Variants in DGLUCY observed in about 807,000 individuals in gnomAD.
DGLUCY encodes D-glutamate cyclase, also known as D-glutamate cyclase, mitochondrial.
Under a neutral mutation model 58.5 loss-of-function variants are expected in DGLUCY, and 58 were observed. The ratio of observed to expected loss-of-function variants is 0.99; its 90% confidence interval spans 0.80 to 1.23. The LOEUF is 1.23. Among genes scored for constraint, DGLUCY ranks in the 50% most tolerant of loss-of-function variants. The pLI, the probability that DGLUCY is intolerant of heterozygous loss-of-function variation, is 0.00. For synonymous variants in DGLUCY, 325 were observed against 314.1 expected (o/e 1.03, Z -0.37); for missense variants, 779 against 784.7 (o/e 0.99, Z 0.09).
intron 1 of DGLUCY, among the ~76,000 whole-genome samples, chr14:91,062,559 ATATATAT>A (rs1272493603): frequency 5.4e-5 from 1 of 18,600 alleles, no homozygotes; most frequent in Non-Finnish European, 9.6e-5. Flanking sequence ...AAAAAAAAAA[ATATATAT>A]ATATATATAT....
intron 1 of DGLUCY, among the ~76,000 whole-genome samples, chr14:91,142,045 C>A (rs774354744): frequency 2.6e-4 from 39 of 152,006 alleles, no homozygotes; most frequent in Admixed American, 6.6e-5. Context: ...GAGGTTTCAT[C>A]ATGTTGACCA....
At chr14:91,127,648 C>T (rs1360660378) in intron 1 of DGLUCY, among the ~76,000 whole-genome samples, 2 of 152,228 alleles carry the variant, frequency 1.3e-5, no homozygotes, top group Admixed American at 6.5e-5. Flanking sequence ...CTGCTTCTTC[C>T]GGTTTCTGTC....
intron 1 of DGLUCY, among the ~76,000 whole-genome samples, chr14:91,133,273 T>C (rs4904751): frequency 0.84 from 127,306 of 152,014 alleles, 53,720 homozygotes; most frequent in East Asian, 1. Flanking sequence ...CCAGCCTGGG[T>C]GACAACAGCA....
intron 9 of DGLUCY, among the ~76,000 whole-genome samples, chr14:91,191,288 G>A (rs575370998): frequency 1.3e-5 from 2 of 152,198 alleles, no homozygotes; most frequent in African/African-American, 4.8e-5. Flanking sequence ...GGTTGCCAGT[G>A]GCTGGGAGGA....
At chr14:91,106,459 C>T (rs193166995), upstream of DGLUCY, among the ~76,000 whole-genome samples, 29 of 152,180 alleles carry the variant, frequency 1.9e-4, no homozygotes, top group Admixed American at 5.9e-4. Context: ...ATAATCTCAG[C>T]CCTTTGGGAG....
chr14:91,143,483 G>A (rs79432070), intron 1 of DGLUCY, among the ~76,000 whole-genome samples: 1,697 of 152,306 alleles, frequency 0.011, 37 homozygotes, highest in African/African-American at 0.039. Flanking sequence ...AGCCTTAGGT[G>A]TAATCTAAAT....
intron 9 of DGLUCY, among the ~76,000 whole-genome samples, chr14:91,191,777 G>A (rs1406579248): frequency 6.6e-6 from 1 of 152,184 alleles, no homozygotes; most frequent in African/African-American, 2.4e-5. Flanking sequence ...GGGTGTGGGT[G>A]TGAGGAGAAG....
intron 1 of DGLUCY, among the ~76,000 whole-genome samples, chr14:91,064,844 G>A (rs2043795577): frequency 6.6e-6 from 1 of 152,144 alleles, no homozygotes; most frequent in East Asian, 1.9e-4. Context: ...AATATCCAGA[G>A]CAGTTTTGGC....
At chr14:91,150,520 C>T (rs2047266182) in intron 1 of DGLUCY, among the ~76,000 whole-genome samples, 1 of 152,098 alleles carries the variant, frequency 6.6e-6, no homozygotes, top group South Asian at 2.1e-4. Context: ...TGGCTCACAG[C>T]AGTCTTGACC....
intron 13 of DGLUCY, among the ~76,000 whole-genome samples, chr14:91,218,789 A>G (rs2140767938): frequency 6.6e-6 from 1 of 152,226 alleles, no homozygotes; most frequent in Non-Finnish European, 1.5e-5. Flanking sequence ...GCTCTAGGGG[A>G]CAATGAGGAG....
intron 1 of DGLUCY, among the ~76,000 whole-genome samples, chr14:91,149,997 T>C (rs2047224541): frequency 6.6e-6 from 1 of 151,752 alleles, no homozygotes; most frequent in East Asian, 1.9e-4. Flanking sequence ...GAGGCGGGCG[T>C]ATCACAAGGT....
At chr14:91,084,825 T>C (rs924025525) in intron 1 of DGLUCY, among the ~76,000 whole-genome samples, 1 of 152,190 alleles carries the variant, frequency 6.6e-6, no homozygotes, top group African/African-American at 2.4e-5. Context: ...CTGCCTGCAC[T>C]TCCGTTTTGT....
intron 1 of DGLUCY, among the ~76,000 whole-genome samples, chr14:91,098,851 C>T (rs574331235): frequency 6.6e-6 from 1 of 152,336 alleles, no homozygotes; most frequent in Non-Finnish European, 1.5e-5. Flanking sequence ...AAGGGACTTT[C>T]CTTGTAAGCG....
intron 1 of DGLUCY, among the ~76,000 whole-genome samples, chr14:91,071,072 C>A (rs143379436): frequency 6.6e-6 from 1 of 152,082 alleles, no homozygotes; most frequent in Admixed American, 6.6e-5. Flanking sequence ...GTGGCTCACA[C>A]CTATAATCCC....
intron 1 of DGLUCY, among the ~76,000 whole-genome samples, chr14:91,117,267 G>A (rs1056890841): frequency 6.6e-6 from 1 of 152,150 alleles, no homozygotes; most frequent in African/African-American, 2.4e-5. Context: ...CTTGGTTTTG[G>A]CTGGTTTCTT....
intron 1 of DGLUCY, among the ~76,000 whole-genome samples, chr14:91,064,095 G>T (rs191637295): frequency 9.7e-4 from 148 of 152,320 alleles, no homozygotes; most frequent in African/African-American, 3.5e-3. Flanking sequence ...TGTTTCTAGC[G>T]TGAGCAGCTA....
At chr14:91,165,138 C>A (rs1373906214) in intron 3 of DGLUCY, 3 of 414,658 alleles carry the variant, frequency 7.2e-6, no homozygotes, top group Non-Finnish European at 1.4e-5. Context: ...ATATGTCCAA[C>A]ACATTGTTTC....
chr14:91,067,722 T>C (rs2043846624), intron 1 of DGLUCY, among the ~76,000 whole-genome samples: 1 of 152,050 alleles, frequency 6.6e-6, no homozygotes, highest in Admixed American at 6.6e-5. Flanking sequence ...CTAATTCTTG[T>C]ATTTTTTTGT....
intron 8 of DGLUCY, 121 bp from the exon 9 acceptor site, chr14:91,188,789 A>G (rs998849548): frequency 9.1e-5 from 105 of 1,153,900 alleles, no homozygotes; most frequent in Non-Finnish European, 1.1e-4. Flanking sequence ...TGATCACGCC[A>G]CTGCCTTCCA....
Sources: gnomAD v4.1 joint callset for allele counts (sites outside exome capture counted in the v4.1 genomes callset) on GRCh38, gnomAD v4.1.1 for gene constraint, MANE v1.5 for transcripts, NCBI Gene and HGNC (gene_info 2026-07-23, HGNC 2026-07-21) for gene names.